SERPINB10: variants seen among roughly 807,000 people sequenced by gnomAD.
SERPINB10 encodes serpin family B member 10.
Under a neutral mutation model 39.1 loss-of-function variants are expected in SERPINB10, and 35 were observed. The ratio of observed to expected loss-of-function variants is 0.90; its 90% CI spans 0.68 to 1.19. The LOEUF (loss-of-function observed/expected upper bound fraction) is 1.19, where lower values mean the gene tolerates loss of function less well. Ranked by LOEUF, SERPINB10 falls within the 50% of genes most tolerant of loss-of-function variation. SERPINB10 has a pLI of 0.00. For synonymous variants in SERPINB10, 190 were observed against 158.1 expected (o/e 1.20, Z -1.52); for missense variants, 546 against 460.5 (o/e 1.19, Z -1.70).
intron 5 of SERPINB10, among the ~76,000 whole-genome samples, chr18:63,928,545 C>T (rs575214344): frequency 2.6e-4 from 39 of 152,072 alleles, no homozygotes; most frequent in African/African-American, 5.3e-4. Context: ...GAGCAGCTCA[C>T]GGTTTGTGGC....
At chr18:63,924,904 A>G (rs1236749673) in intron 5 of SERPINB10, among the ~76,000 whole-genome samples, 1 of 152,140 alleles carries the variant, frequency 6.6e-6, no homozygotes, top group African/African-American at 2.4e-5. Flanking sequence ...GTAACCTTGT[A>G]AAACAGCATT....
intron 1 of SERPINB10, among the ~76,000 whole-genome samples, chr18:63,914,007 C>T (rs12326417): frequency 0.03 from 4,539 of 152,088 alleles, 157 homozygotes; most frequent in African/African-American, 0.084. Context: ...GAACCTTTTG[C>T]CATTATATAA....
chr18:63,916,915 T>C (rs546462774), intron 2 of SERPINB10, among the ~76,000 whole-genome samples: 32 of 152,156 alleles, frequency 2.1e-4, no homozygotes, highest in African/African-American at 7.5e-4. Context: ...TCTATTGTTG[T>C]ACAATTCCAA....
chr18:63,924,057 T>C (rs1004689174), intron 5 of SERPINB10, among the ~76,000 whole-genome samples: 4 of 152,026 alleles, frequency 2.6e-5, no homozygotes, highest in African/African-American at 9.7e-5. Flanking sequence ...CTTTTTGCTG[T>C]ATTAATTCTG....
intron 7 of SERPINB10, among the ~76,000 whole-genome samples, chr18:63,933,885 T>C (rs1216382733): frequency 6.6e-6 from 1 of 152,178 alleles, no homozygotes; most frequent in Admixed American, 6.5e-5. Context: ...ATTTTTCACA[T>C]GTGTCAGACT....
Position 63,918,834 on chromosome 18 carries a change from C to T in SERPINB10, c.372+732C>T, listed in dbSNP as rs370262450. On this transcript the variant is annotated intron_variant, in intron 4 of 7. Coordinates refer to ENST00000238508, the MANE Select transcript of SERPINB10 (RefSeq NM_005024.3). ...CCTTTCTTGTAGGCTCATGGACTCTCGTTTGATGCAGAAGTAGGAGACATG... is the reference window on the plus strand; with the variant it reads ...CCTTTCTTGTAGGCTCATGGACTCTTGTTTGATGCAGAAGTAGGAGACATG... Among the ~76,000 whole-genome samples the T allele has an allele frequency of 6.6e-5, 10 of 151,942 alleles. No individual in the cohort carries two copies. The South Asian group carries it at 1.0e-3, about 16-fold the overall frequency.
chr18:63,909,349 A>G (rs73961807), intron 1 of SERPINB10, among the ~76,000 whole-genome samples: 3,860 of 152,154 alleles, frequency 0.025, 156 homozygotes, highest in African/African-American at 0.088. Flanking sequence ...TATTTCCTGT[A>G]AAATTTCACC....
rs954787381 is a variant in SERPINB10 at position 63,908,030 on chromosome 18, G to T, written c.-20G>T. 8.8e-6 allele frequency: 3 copies of T among 339,988 alleles called. No homozygotes were observed. 21.1% of individuals were successfully genotyped at this position (339,988 alleles called of 1,614,324 possible). On this transcript the variant is annotated 5_prime_UTR_variant, in exon 1 of 8. Transcript: ENST00000238508. The stretch of plus-strand genomic sequence containing the variant: ...CAAATTGCCAATTCTGCTCCAGTGG[G>T]AGAAAACAAGGTATTGTAAATATTT...
At chr18:63,918,747 G>A (rs996527417) in intron 4 of SERPINB10, among the ~76,000 whole-genome samples, 8 of 151,956 alleles carry the variant, frequency 5.3e-5, no homozygotes, top group Non-Finnish European at 1.2e-4. Flanking sequence ...GGGAGTTCAG[G>A]AATTGAGCTT....
chr18:63,914,229 T>C (rs1346722161), intron 1 of SERPINB10, among the ~76,000 whole-genome samples: 1 of 152,112 alleles, frequency 6.6e-6, no homozygotes, highest in African/African-American at 2.4e-5. Context: ...CTTGCCACTC[T>C]GTGCTTTTTA....
chr18:63,911,273 G>T (rs143043004), intron 1 of SERPINB10, among the ~76,000 whole-genome samples: 56 of 152,056 alleles, frequency 3.7e-4, no homozygotes, highest in African/African-American at 1.3e-3. Context: ...CTGTGCAGAA[G>T]CTCTTCAGTT....
At chr18:63,930,246 T>C in intron 6 of SERPINB10, 59 bp downstream of exon 6, 4 of 1,547,716 alleles carry the variant, frequency 2.6e-6, no homozygotes, top group East Asian at 2.3e-5. Context: ...AGTGATTCTC[T>C]TATAAATTCA....
chr18:63,921,087 C>A (rs113460263), intron 5 of SERPINB10, among the ~76,000 whole-genome samples: 1 of 151,870 alleles, frequency 6.6e-6, no homozygotes, highest in Non-Finnish European at 1.5e-5. Flanking sequence ...TTTAAATCAA[C>A]ATTTCAATTG....
intron 5 of SERPINB10, among the ~76,000 whole-genome samples, chr18:63,927,233 A>G (rs1473749448): frequency 6.6e-6 from 1 of 152,060 alleles, no homozygotes; most frequent in Non-Finnish European, 1.5e-5. Flanking sequence ...TTAATATTAT[A>G]GAAGTATTCT....
intron 5 of SERPINB10, among the ~76,000 whole-genome samples, chr18:63,924,003 C>A (rs146758087): frequency 8.5e-4 from 130 of 152,080 alleles, no homozygotes; most frequent in African/African-American, 3.0e-3. Flanking sequence ...TTAGTGAGAT[C>A]AGTCAGCTTT....
At chr18:63,916,000 A>G (rs1014279080) in intron 2 of SERPINB10, among the ~76,000 whole-genome samples, 2 of 152,082 alleles carry the variant, frequency 1.3e-5, no homozygotes, top group African/African-American at 4.8e-5. Context: ...AATTGGTCAA[A>G]CTTTAAATAA....
At chr18:63,920,573 G>A (rs902075858) in intron 5 of SERPINB10, among the ~76,000 whole-genome samples, 4 of 151,952 alleles carry the variant, frequency 2.6e-5, no homozygotes, top group African/African-American at 9.7e-5. Flanking sequence ...GCAGGAAGTG[G>A]GGAAAAGAAA....
chr18:63,930,008 C>T, intron 5 of SERPINB10, 37 bp from the exon 6 acceptor site: 1 of 1,606,462 alleles, frequency 6.2e-7, no homozygotes, highest in Non-Finnish European at 8.5e-7. Flanking sequence ...ATACATATTT[C>T]TACAAGTCAT....
Position 63,935,337 on chromosome 18 carries a change from G to A in SERPINB10, c.*95G>A, listed in dbSNP as rs2050255529. On this transcript the variant is annotated 3_prime_UTR_variant, in exon 8 of 8. Transcript: ENST00000238508. ...CAATTTTCACAAAAATGAGTTTGTA[G>A]TCTAAACCTTTTTCACATTTGAATA... The A allele has an allele frequency of 7.8e-7, 1 of 1,274,606 alleles. No homozygotes were observed. Among genetic ancestry groups the A allele is most frequent in the South Asian group, 1.5e-5 (1 of 66,614 alleles). 79.0% of individuals were successfully genotyped at this position (1,274,606 alleles called of 1,614,324 possible).
Sources: gnomAD v4.1 joint callset for allele counts (sites outside exome capture counted in the v4.1 genomes callset) on GRCh38, gnomAD v4.1.1 for gene constraint, MANE v1.5 for transcripts, NCBI Gene and HGNC (gene_info 2026-07-23, HGNC 2026-07-21) for gene names.